Variants in PPFIBP2 observed in about 807,000 individuals in gnomAD.
PPFIBP2 encodes the protein liprin-beta-2.
A neutral mutation model predicts 118.3 loss-of-function variants in PPFIBP2; 118 were observed. The observed-to-expected ratio is 1.00, with a 90% confidence interval of 0.86 to 1.16. PPFIBP2 has a LOEUF of 1.16. Among genes scored for constraint, PPFIBP2 ranks in the 50% most tolerant of loss-of-function variants. The pLI is 0.00. For missense variants in PPFIBP2, 1,195 were observed against 1,073.1 expected (o/e 1.11, Z -1.59); for synonymous variants, 414 against 397.4 (o/e 1.04, Z -0.50).
At chr11:7,552,762 CT>C (rs545390338) in intron 2 of PPFIBP2, among the ~76,000 whole-genome samples, 158 of 152,296 alleles carry the variant, frequency 1.0e-3, no homozygotes, top group South Asian at 4.1e-3. Context: ...TTGCCCCCCC[CT>C]CTCCTGGAAT....
At chr11:7,605,958 A>C (rs1469477058) in intron 5 of PPFIBP2, 1 of 1,534,304 alleles carries the variant, frequency 6.5e-7, no homozygotes, top group Admixed American at 2.0e-5. Flanking sequence ...GTGGATACTG[A>C]ATGGGAAAGT....
At chr11:7,528,363 A>G (rs1850400388) in intron 1 of PPFIBP2, among the ~76,000 whole-genome samples, 1 of 152,160 alleles carries the variant, frequency 6.6e-6, no homozygotes. Flanking sequence ...AGAAACTGTT[A>G]CTCCCAGACC....
chr11:7,612,962 A>C (rs1460266917), intron 6 of PPFIBP2, among the ~76,000 whole-genome samples: 1 of 152,206 alleles, frequency 6.6e-6, no homozygotes, highest in African/African-American at 2.4e-5. Context: ...CATTTTGCTA[A>C]GGTCACCAGA....
At chr11:7,536,683 G>A (rs1590152246) in intron 1 of PPFIBP2, among the ~76,000 whole-genome samples, 2 of 152,148 alleles carry the variant, frequency 1.3e-5, no homozygotes, top group African/African-American at 2.4e-5. Flanking sequence ...GCGCATGAAT[G>A]TCTGATGGAG....
intron 1 of PPFIBP2, among the ~76,000 whole-genome samples, chr11:7,548,990 A>AGACAGTTAAATGCCT (rs1852640842): frequency 6.6e-6 from 1 of 152,228 alleles, no homozygotes; most frequent in South Asian, 2.1e-4. Flanking sequence ...TGCAGATGTA[A>AGACAGTTAAATGCCT]GACAGTTAAA....
At chr11:7,516,603 C>T (rs569525125) in intron 1 of PPFIBP2, among the ~76,000 whole-genome samples, 29 of 152,154 alleles carry the variant, frequency 1.9e-4, no homozygotes, top group African/African-American at 6.7e-4. Context: ...TGCAGGTGGG[C>T]TGAGGCCTAA....
At chr11:7,663,793 C>T in the PPFIBP2 span, among the ~76,000 whole-genome samples, 15 of 152,338 alleles carry the variant, frequency 9.8e-5, no homozygotes, top group South Asian at 8.3e-4. Flanking sequence ...TGCTAGCAAT[C>T]AGCGAGACTC....
chr11:7,613,058 C>T (rs1365791816), intron 6 of PPFIBP2, among the ~76,000 whole-genome samples: 1 of 152,092 alleles, frequency 6.6e-6, no homozygotes, highest in Admixed American at 6.5e-5. Context: ...AGCCTAAGGG[C>T]TCATTGTGTG....
chr11:7,518,251 A>T (rs1159136905), intron 1 of PPFIBP2, among the ~76,000 whole-genome samples: 2 of 152,146 alleles, frequency 1.3e-5, no homozygotes, highest in Admixed American at 1.3e-4. Context: ...ATGGATTGGG[A>T]GATGAACCGA....
At chr11:7,665,981 GC>G in the PPFIBP2 span, 2 of 1,412,744 alleles carry the variant, frequency 1.4e-6, no homozygotes, top group Non-Finnish European at 1.9e-6. Flanking sequence ...TGTGAGAGGC[GC>G]GCCTGTGGGG....
At chr11:7,622,511 A>G (rs1849470146) in intron 7 of PPFIBP2, among the ~76,000 whole-genome samples, 1 of 152,236 alleles carries the variant, frequency 6.6e-6, no homozygotes, top group Non-Finnish European at 1.5e-5. Context: ...AAATTTTATG[A>G]CTTCTCATGT....
rs1239249470 is a variant in PPFIBP2 at position 7,649,565 on chromosome 11, C to T, written c.2032C>T (p.Leu678=). ...DLLFLKVTSQ[L]HHLSIKCAIH... ...ACTCTTCTTAAAAGTCACCAGCCAA[C>T]TACATCATCTCAGCATCAAATGTGC... is the stretch of plus-strand genomic sequence containing the variant. The change falls in exon 21 of 24, where the codon CTA becomes TTA. Residue 678 remains leucine (L), a synonymous_variant. Transcript: ENST00000299492. The T allele has an allele frequency of 6.2e-7, 1 of 1,614,210 alleles. No individual in the cohort carries two copies. The highest frequency in any genetic ancestry group is 8.5e-7 in the Non-Finnish European group (1 of 1,180,036).
At chr11:7,525,622 C>G (rs943854800) in intron 1 of PPFIBP2, among the ~76,000 whole-genome samples, 1 of 152,208 alleles carries the variant, frequency 6.6e-6, no homozygotes, top group Non-Finnish European at 1.5e-5. Context: ...AGGACAAAAG[C>G]AGCAAACAGC....
rs374745098 is a variant in PPFIBP2 at position 7,577,315 on chromosome 11, A to G, written c.279+11548A>G. ...AGTCCTGGTGCGTGTGCGTGCATGTATGTGCGTGTGTGTGTGTGTGTGTGT... is the reference window on the plus strand; with the variant it reads ...AGTCCTGGTGCGTGTGCGTGCATGTGTGTGCGTGTGTGTGTGTGTGTGTGT... On this transcript the variant is annotated intron_variant, in intron 3 of 23. Transcript: ENST00000299492. The G allele has an allele frequency of 8.0e-4, 174 of 216,960 alleles. 1 individual carries two copies. Among genetic ancestry groups the G allele is most frequent in the African/African-American group, 4.1e-3 (149 of 36,432 alleles). The allele number at this position is 216,960 out of a possible 1,614,324, so 13.4% of individuals were successfully genotyped here.
intron 5 of PPFIBP2, among the ~76,000 whole-genome samples, chr11:7,600,929 T>C (rs1377980195): frequency 6.6e-6 from 1 of 152,204 alleles, no homozygotes; most frequent in Non-Finnish European, 1.5e-5. Flanking sequence ...TACATACCTA[T>C]AGGTCAAGCC....
intron 15 of PPFIBP2, chr11:7,641,121 C>T (rs1431813950): frequency 1.6e-6 from 2 of 1,214,076 alleles, no homozygotes; most frequent in Non-Finnish European, 2.2e-6. Flanking sequence ...TTTCCCTACC[C>T]TAACCCTCCC....
intron 3 of PPFIBP2, among the ~76,000 whole-genome samples, chr11:7,579,168 A>C (rs1476115127): frequency 6.6e-6 from 1 of 152,144 alleles, no homozygotes; most frequent in African/African-American, 2.4e-5. Flanking sequence ...GAGGGATGGG[A>C]TAGTACAAAC....
the PPFIBP2 span, chr11:7,665,101 GTC>G: frequency 3.6e-6 from 1 of 277,412 alleles, no homozygotes; most frequent in South Asian, 7.2e-5. Flanking sequence ...TTCATGGGCT[GTC>G]TGCTTTGTAC....
chr11:7,556,961 T>C (rs1853709258), intron 2 of PPFIBP2, among the ~76,000 whole-genome samples: 1 of 152,218 alleles, frequency 6.6e-6, no homozygotes, highest in Non-Finnish European at 1.5e-5. Context: ...TCAGTGAGTG[T>C]CTTTAAGCTG....
Sources: gnomAD v4.1 joint callset for allele counts (sites outside exome capture counted in the v4.1 genomes callset) on GRCh38, gnomAD v4.1.1 for gene constraint, MANE v1.5 for transcripts, NCBI Gene and HGNC (gene_info 2026-07-23, HGNC 2026-07-21) for gene names.